SEL1L3: variants seen among roughly 807,000 people sequenced by gnomAD.
The protein encoded by SEL1L3 is SEL1L family member 3.
Under a neutral mutation model 142.8 loss-of-function variants are expected in SEL1L3, and 76 were observed. The ratio of observed to expected loss-of-function variants is 0.53; its 90% CI spans 0.44 to 0.64. The LOEUF is 0.64. Among genes scored for constraint, SEL1L3 ranks in the 30% least tolerant of loss-of-function variants. SEL1L3 has a pLI of 0.00. For missense variants in SEL1L3, 1,262 were observed against 1,381.7 expected (o/e 0.91, Z 1.37); for synonymous variants, 504 against 519.6 (o/e 0.97, Z 0.41).
the SEL1L3 span, chr4:25,718,825 A>G: frequency 6.6e-6 from 1 of 152,180 alleles, no homozygotes. Flanking sequence ...ACAAGCCATG[A>G]TACATGCTAG....
chr4:25,734,053 T>C, the SEL1L3 span, among the ~76,000 whole-genome samples: 1 of 152,130 alleles, frequency 6.6e-6, no homozygotes, highest in African/African-American at 2.4e-5. Flanking sequence ...AGAGTCTCGC[T>C]CTGGCTGTCG....
intron 9 of SEL1L3, among the ~76,000 whole-genome samples, chr4:25,805,508 G>A: frequency 6.6e-6 from 1 of 152,184 alleles, no homozygotes; most frequent in East Asian, 1.9e-4. Flanking sequence ...TACCCTCAAT[G>A]AAAAGTCAAT....
At chr4:25,832,664 T>C (rs1413501411) in intron 5 of SEL1L3, among the ~76,000 whole-genome samples, 1 of 152,224 alleles carries the variant, frequency 6.6e-6, no homozygotes, top group Non-Finnish European at 1.5e-5. Flanking sequence ...ATGGCCAATA[T>C]TGTTTTAACA....
intron 17 of SEL1L3, among the ~76,000 whole-genome samples, chr4:25,775,729 T>A (rs1431340021): frequency 6.6e-6 from 1 of 152,218 alleles, no homozygotes; most frequent in Non-Finnish European, 1.5e-5. Flanking sequence ...AGATGAGATT[T>A]GCTAACTCCA....
chr4:25,795,903 G>A (rs1020131574), intron 11 of SEL1L3, among the ~76,000 whole-genome samples: 3 of 151,392 alleles, frequency 2.0e-5, no homozygotes, highest in African/African-American at 7.3e-5. Flanking sequence ...GGAAAAGCCG[G>A]GAAGAAGCTG....
intron 1 of SEL1L3, among the ~76,000 whole-genome samples, chr4:25,851,471 G>A (rs1008112278): frequency 6.6e-6 from 1 of 152,100 alleles, no homozygotes; most frequent in African/African-American, 2.4e-5. Flanking sequence ...TGCTTACACG[G>A]ATAAGAATGA....
In SEL1L3 at chr4:25,747,829, T is replaced by C. The variant is rs1409474218; in HGVS notation, c.*596A>G. The C allele has an allele frequency of 2.0e-5, 3 of 152,762 alleles. No individual in the cohort carries two copies. The highest frequency in any genetic ancestry group is 4.4e-5 in the Non-Finnish European group (3 of 68,164). The allele number at this position is 152,762 out of a possible 1,614,324, so 9.5% of individuals were successfully genotyped here. On this transcript the variant is annotated 3_prime_UTR_variant, in exon 24 of 24. Coordinates refer to ENST00000399878, the MANE Select transcript of SEL1L3 (RefSeq NM_015187.5). ...AAATGATTCGGAAGCACTAGGACCC[T>C]AGAAAAATTCAAGGAGAAAAATGTA...
intron 17 of SEL1L3, 99 bp from the exon 18 acceptor site, chr4:25,767,929 T>C: frequency 1.3e-6 from 1 of 747,382 alleles, no homozygotes; most frequent in African/African-American, 1.8e-5. Flanking sequence ...AAATAAGCAG[T>C]TTTTTTAAAA....
intron 23 of SEL1L3, chr4:25,756,434 A>C: frequency 1.0e-6 from 1 of 985,148 alleles, no homozygotes; most frequent in Non-Finnish European, 1.2e-6. Context: ...TAAATATAAC[A>C]GCTAACGTTT....
intron 15 of SEL1L3, among the ~76,000 whole-genome samples, chr4:25,781,717 A>G (rs1209383461): frequency 2.0e-5 from 3 of 152,210 alleles, no homozygotes; most frequent in African/African-American, 7.2e-5. Flanking sequence ...CAGAGTATTA[A>G]TAGCTATTTC....
intron 23 of SEL1L3, among the ~76,000 whole-genome samples, chr4:25,754,707 G>T (rs1363305877): frequency 6.6e-6 from 1 of 151,976 alleles, no homozygotes; most frequent in Non-Finnish European, 1.5e-5. Flanking sequence ...AAATCTCAGG[G>T]CTTACCTACT....
intron 1 of SEL1L3, among the ~76,000 whole-genome samples, chr4:25,858,188 C>T (rs1442145960): frequency 6.6e-6 from 1 of 152,240 alleles, no homozygotes; most frequent in Non-Finnish European, 1.5e-5. Context: ...CTAGCTCTGA[C>T]GCTTTTGCCA....
intron 9 of SEL1L3, among the ~76,000 whole-genome samples, chr4:25,814,877 T>G (rs1714281990): frequency 6.6e-6 from 1 of 151,972 alleles, no homozygotes; most frequent in South Asian, 2.1e-4. Flanking sequence ...CTGGAAGATG[T>G]TATGATAGCC....
At chr4:25,855,722 C>A (rs939943522) in intron 1 of SEL1L3, among the ~76,000 whole-genome samples, 4 of 152,014 alleles carry the variant, frequency 2.6e-5, no homozygotes, top group African/African-American at 9.7e-5. Context: ...GATTGTGCCA[C>A]TGCACTCCAG....
At chr4:25,793,837 G>T (rs2109199853) in intron 11 of SEL1L3, among the ~76,000 whole-genome samples, 1 of 152,282 alleles carries the variant, frequency 6.6e-6, no homozygotes, top group East Asian at 1.9e-4. Context: ...CTACTCATTT[G>T]CTGTGTGACT....
At chr4:25,748,899 C>G (rs1039423905) in intron 23 of SEL1L3, among the ~76,000 whole-genome samples, 1 of 152,136 alleles carries the variant, frequency 6.6e-6, no homozygotes, top group African/African-American at 2.4e-5. Flanking sequence ...CTTCCAGTAC[C>G]TACAGAAGAG....
At chr4:25,776,194 A>T in intron 17 of SEL1L3, 83 bp downstream of exon 17, 1 of 808,672 alleles carries the variant, frequency 1.2e-6, no homozygotes, top group South Asian at 1.6e-5. Flanking sequence ...TTGCTTTCTC[A>T]GTTGCATTTT....
chr4:25,755,660 G>A (rs1013284830), intron 23 of SEL1L3, among the ~76,000 whole-genome samples: 3 of 152,196 alleles, frequency 2.0e-5, no homozygotes, highest in Non-Finnish European at 2.9e-5. Context: ...GGAGAGACAC[G>A]GAGACAAGAA....
At chr4:25,718,678 TA>T in the SEL1L3 span, 1 of 152,058 alleles carries the variant, frequency 6.6e-6, no homozygotes, top group African/African-American at 2.4e-5. Context: ...TCTATTCTGT[TA>T]GGGGGGTGAG....
Sources: gnomAD v4.1 joint callset for allele counts (sites outside exome capture counted in the v4.1 genomes callset) on GRCh38, gnomAD v4.1.1 for gene constraint, MANE v1.5 for transcripts, NCBI Gene and HGNC (gene_info 2026-07-23, HGNC 2026-07-21) for gene names.